The following C16orf87 variants were observed in gnomAD, a reference collection of about 807,000 sequenced individuals.
The protein encoded by C16orf87 is UPF0547 protein C16orf87.
Under a neutral mutation model 21.0 loss-of-function variants are expected in C16orf87, and 13 were observed. That is an observed-to-expected ratio of 0.62 (90% CI 0.40 to 0.98). The LOEUF (loss-of-function observed/expected upper bound fraction) is 0.98. Ranked by LOEUF, C16orf87 falls within the 50% of genes least tolerant of loss-of-function variation. The probability of loss-of-function intolerance (pLI) is 0.00; values close to 1 mark genes in which losing one functional copy is unlikely to be tolerated. For missense variants in C16orf87, 113 were observed against 180.4 expected, an observed-to-expected ratio of 0.63 and a Z score of 2.14; for synonymous variants, 49 against 60.2, an observed-to-expected ratio of 0.81 and a Z score of 0.86.
At chr16:46,821,852 A>G (rs1959427578) in intron 2 of C16orf87, among the ~76,000 whole-genome samples, 1 of 150,980 alleles carries the variant, frequency 6.6e-6, no homozygotes, top group Admixed American at 6.6e-5. Flanking sequence ...TATATGTCCA[A>G]CTGAAAAAAA....
chr16:46,815,534 A>C (rs953689763), intron 2 of C16orf87, among the ~76,000 whole-genome samples: 1 of 152,144 alleles, frequency 6.6e-6, no homozygotes, highest in African/African-American at 2.4e-5. Flanking sequence ...AAGAATTTAC[A>C]AGTCAACAAC....
intron 2 of C16orf87, among the ~76,000 whole-genome samples, chr16:46,819,907 G>C (rs1959344777): frequency 6.6e-6 from 1 of 151,934 alleles, no homozygotes; most frequent in Non-Finnish European, 1.5e-5. Flanking sequence ...CCAGGAGGCA[G>C]AGGTTGCAGA....
intron 2 of C16orf87, among the ~76,000 whole-genome samples, chr16:46,823,744 A>G (rs1959509945): frequency 6.6e-6 from 1 of 152,242 alleles, no homozygotes; most frequent in Non-Finnish European, 1.5e-5. Flanking sequence ...ATCTCCATAC[A>G]AAGACTCCTA....
At position 46,809,618 on chromosome 16, in the gene C16orf87, G is replaced by C. The variant is rs1389165716; in HGVS notation, c.331C>G (p.His111Asp). ...TTGTTCATACCTCTTTCTTCCTCAT[G>C]TTTTTTGGCAGATGCACTTTTAGGT... ...GRPKSASAKKHEEEREKQEKE... is the reference protein window; with the variant it reads ...GRPKSASAKKDEEEREKQEKE... The change falls in exon 3 of 4, where the codon CAT (histidine) becomes GAT (aspartate). Residue 111 changes from histidine to aspartate, a missense_variant. Physicochemically the swap from His to Asp is moderately conservative, Grantham distance 81. Transcript: ENST00000285697. The C allele has an allele frequency of 1.2e-6, 2 of 1,604,628 alleles. No homozygotes were observed. The highest frequency in any genetic ancestry group is 3.4e-5 in the Admixed American group (2 of 58,690).
chr16:46,814,730 A>AG, intron 2 of C16orf87, among the ~76,000 whole-genome samples: 1 of 152,224 alleles, frequency 6.6e-6, no homozygotes, highest in East Asian at 1.9e-4. Context: ...AATAGTCAAG[A>AG]GAAGAGCCAA....
intron 1 of C16orf87, among the ~76,000 whole-genome samples, chr16:46,830,307 A>AGAGAGAGAGTGT (rs758468161): frequency 3.4e-4 from 37 of 109,244 alleles, no homozygotes; most frequent in Non-Finnish European, 5.7e-4. Context: ...AGAGAGAGAG[A>AGAGAGAGAGTGT]GACACACAGA....
At chr16:46,816,230 G>A (rs1013001253) in intron 2 of C16orf87, among the ~76,000 whole-genome samples, 1 of 152,148 alleles carries the variant, frequency 6.6e-6, no homozygotes, top group East Asian at 1.9e-4. Flanking sequence ...TGGGGTATGG[G>A]GGAGAAGGAA....
intron 2 of C16orf87, among the ~76,000 whole-genome samples, chr16:46,817,059 A>C (rs1397703531): frequency 6.6e-6 from 1 of 152,198 alleles, no homozygotes; most frequent in African/African-American, 2.4e-5. Context: ...ATACAGTGTC[A>C]GTTTCCAAGA....
intron 1 of C16orf87, among the ~76,000 whole-genome samples, chr16:46,825,795 T>G (rs1959592665): frequency 6.6e-6 from 1 of 151,262 alleles, no homozygotes. Flanking sequence ...ATGCCTGTAA[T>G]CCCAGCTACT....
chr16:46,813,762 C>CT (rs548882029), intron 2 of C16orf87, among the ~76,000 whole-genome samples: 1 of 152,136 alleles, frequency 6.6e-6, no homozygotes, highest in Non-Finnish European at 1.5e-5. Context: ...TAAGATAAGC[C>CT]TTTTTTTCTC....
intron 1 of C16orf87, among the ~76,000 whole-genome samples, chr16:46,828,278 A>AT (rs1345438020): frequency 6.6e-6 from 1 of 152,186 alleles, no homozygotes; most frequent in African/African-American, 2.4e-5. Context: ...CAGAAAACTC[A>AT]TTTATATTCT....
intron 2 of C16orf87, among the ~76,000 whole-genome samples, chr16:46,814,111 T>C (rs1486139822): frequency 1.3e-5 from 2 of 152,192 alleles, no homozygotes; most frequent in African/African-American, 2.4e-5. Flanking sequence ...AAAGGTACTA[T>C]TAATGACCCA....
intron 1 of C16orf87, among the ~76,000 whole-genome samples, chr16:46,825,505 T>A (rs905953491): frequency 6.6e-6 from 1 of 152,226 alleles, no homozygotes; most frequent in African/African-American, 2.4e-5. Flanking sequence ...AGACATGCAA[T>A]GCGTAACAAT....
At chr16:46,805,587 C>G (rs1344153072) in intron 3 of C16orf87, among the ~76,000 whole-genome samples, 1 of 152,022 alleles carries the variant, frequency 6.6e-6, no homozygotes, top group Non-Finnish European at 1.5e-5. Context: ...TTTTTTCTCT[C>G]CTGTTGATTT....
At chr16:46,825,243 T>C (rs1349702131) in intron 1 of C16orf87, among the ~76,000 whole-genome samples, 1 of 152,010 alleles carries the variant, frequency 6.6e-6, no homozygotes. Context: ...AGTGGAATAG[T>C]GAGAACGGAA....
chr16:46,817,623 G>A (rs1325808376), intron 2 of C16orf87, among the ~76,000 whole-genome samples: 1 of 152,090 alleles, frequency 6.6e-6, no homozygotes, highest in Non-Finnish European at 1.5e-5. Flanking sequence ...GGGAGGTGGA[G>A]GTTGCAGTAA....
intron 1 of C16orf87, among the ~76,000 whole-genome samples, chr16:46,828,095 C>A (rs1372805906): frequency 6.6e-6 from 1 of 151,816 alleles, no homozygotes; most frequent in Non-Finnish European, 1.5e-5. Flanking sequence ...TGCCACCACA[C>A]CCAGCTAATT....
chr16:46,822,682 T>C (rs1365118764), intron 2 of C16orf87, among the ~76,000 whole-genome samples: 1 of 152,218 alleles, frequency 6.6e-6, no homozygotes, highest in Non-Finnish European at 1.5e-5. Flanking sequence ...TCTGCTACTA[T>C]CATCAGTCTT....
rs1967652149 is a variant in C16orf87, at chr16:46,797,678, A to T, written c.*5274T>A. ...TGATTTATAAGAAAATTATAACATA[A>T]AGGGGAGAGGGTAAAGGAATGTAAA... On this transcript the variant is annotated 3_prime_UTR_variant, in exon 4 of 4. Coordinates refer to ENST00000285697, the MANE Select transcript of C16orf87 (RefSeq NM_001001436.4). 1 of 152,186 alleles carries T rather than the reference A, an allele frequency of 6.6e-6. No individual in the cohort carries two copies. Among genetic ancestry groups the T allele is most frequent in the Non-Finnish European group, 1.5e-5 (1 of 68,036 alleles). The allele number at this position is 152,186 out of a possible 1,614,324, so 9.4% of individuals were successfully genotyped here.
Sources: allele counts gnomAD v4.1 joint callset (sites outside exome capture counted in the v4.1 genomes callset), GRCh38; gene constraint gnomAD v4.1.1; transcripts MANE v1.5; gene names NCBI Gene and HGNC (gene_info 2026-07-23, HGNC 2026-07-21).